Variants in ATP11B observed in about 807,000 individuals in gnomAD.
ATP11B encodes phospholipid-transporting ATPase IF.
Under a neutral mutation model 157.8 loss-of-function variants are expected in ATP11B, and 81 were observed. That is an observed-to-expected ratio of 0.51 (90% confidence interval 0.43 to 0.62). ATP11B has a LOEUF of 0.62. ATP11B is among the 20% of genes least tolerant of loss of function. The pLI is 0.00. For synonymous variants in ATP11B, 451 were observed against 469.4 expected (o/e 0.96, Z 0.51); for missense variants, 1,165 against 1,402.2 (o/e 0.83, Z 2.70).
intron 28 of ATP11B, among the ~76,000 whole-genome samples, chr3:182,909,175 A>C (rs1724590502): frequency 6.6e-6 from 1 of 152,250 alleles, no homozygotes; most frequent in African/African-American, 2.4e-5. Flanking sequence ...AGCAATAAGA[A>C]ATGTCTTAGT....
chr3:182,858,144 G>C, intron 11 of ATP11B, 116 bp downstream of exon 11: 1 of 891,748 alleles, frequency 1.1e-6, no homozygotes, highest in Non-Finnish European at 1.7e-6. Flanking sequence ...TGTTGGTACT[G>C]AAGGGTGACA....
At position 182,798,789 on chromosome 3, in the gene ATP11B, T is replaced by C. The variant is rs994093075; in HGVS notation, c.27+5003T>C. 2.6e-5 allele frequency among the ~76,000 whole-genome samples: 4 copies of C among 152,354 alleles called. No individual in the cohort carries two copies. The East Asian group carries it at 7.7e-4, about 29-fold the overall frequency. ...GAAATATGCAGTGGATCTTGAAGAC[T>C]TAGTTTGGAAAAAGGATGTAAAATA... is the stretch of plus-strand genomic sequence containing the variant. On this transcript the variant is annotated intron_variant, in intron 1 of 29. Transcript: ENST00000323116.
chr3:182,883,653 T>A (rs981260665), intron 21 of ATP11B, among the ~76,000 whole-genome samples: 1 of 151,632 alleles, frequency 6.6e-6, no homozygotes, highest in African/African-American at 2.4e-5. Flanking sequence ...AGAAAGAAAA[T>A]TTCTAAAAGA....
intron 10 of ATP11B, among the ~76,000 whole-genome samples, chr3:182,854,877 C>T: frequency 6.6e-6 from 1 of 151,768 alleles, no homozygotes; most frequent in Admixed American, 6.6e-5. Context: ...CACCTTTTGT[C>T]ATCTTTTCAG....
At chr3:182,880,485 A>G (rs1000895774) in intron 20 of ATP11B, among the ~76,000 whole-genome samples, 2 of 152,148 alleles carry the variant, frequency 1.3e-5, no homozygotes, top group African/African-American at 4.8e-5. Context: ...TAAAGTCTTA[A>G]AATTTTACTA....
chr3:182,869,392 A>G, intron 17 of ATP11B, 61 bp downstream of exon 17: 2 of 1,124,986 alleles, frequency 1.8e-6, no homozygotes, highest in East Asian at 2.6e-5. Context: ...AATATTTTGG[A>G]CTTTATTTCT....
chr3:182,880,762 A>G (rs750593573), intron 20 of ATP11B, 117 bp from the exon 21 acceptor site: 64 of 505,220 alleles, frequency 1.3e-4, no homozygotes, highest in Non-Finnish European at 2.1e-4. Flanking sequence ...TTGTCTAATA[A>G]AAAATTAAAT....
intron 1 of ATP11B, among the ~76,000 whole-genome samples, chr3:182,810,422 C>A (rs1332403396): frequency 6.6e-6 from 1 of 152,062 alleles, no homozygotes; most frequent in Admixed American, 6.5e-5. Context: ...ATTTTCATAG[C>A]AATAGTTTAG....
intron 19 of ATP11B, among the ~76,000 whole-genome samples, chr3:182,877,458 A>G (rs1217021013): frequency 1.3e-5 from 2 of 152,236 alleles, no homozygotes; most frequent in Non-Finnish European, 2.9e-5. Context: ...CCTGGGCAAC[A>G]TAGTGAAACC....
chr3:182,879,720 C>G, intron 20 of ATP11B, 71 bp downstream of exon 20: 1 of 1,368,900 alleles, frequency 7.3e-7, no homozygotes, highest in Admixed American at 2.4e-5. Context: ...AAGTTAATGC[C>G]TTACATAGTT....
At chr3:182,859,467 A>T (rs1720668168) in intron 12 of ATP11B, 108 bp downstream of exon 12, 4 of 938,934 alleles carry the variant, frequency 4.3e-6, no homozygotes, top group Admixed American at 3.5e-5. Flanking sequence ...ACCAAAAACA[A>T]CCCCCCTTTG....
Position 182,889,474 on chromosome 3 carries a change from A to C in ATP11B, c.2908A>C (p.Ser970Arg). ...TFLYWTILGF[S>R]HAFIFFFGSY... ...TCTTTATTGGACCATCCTGGGCTTC[A>C]GTCATGCCTTTATTTTCTTTTTTGG... The change falls in exon 25 of 30, where the codon AGT (serine) becomes CGT (arginine). Residue 970 changes from serine (S) to arginine (R), a missense_variant. Ser to Arg is a moderately radical substitution (Grantham distance 110). This residue lies in a region of ATP11B where 303 missense variants were observed against 296.3 expected (regional missense o/e 1.02). Coordinates refer to ENST00000323116, the MANE Select transcript of ATP11B (RefSeq NM_014616.3). 1 of 1,577,358 alleles carries C rather than the reference A, an allele frequency of 6.3e-7. No homozygotes were observed. Among genetic ancestry groups the C allele is most frequent in the Non-Finnish European group, 8.6e-7 (1 of 1,167,980 alleles).
At chr3:182,882,505 T>G (rs1722495138) in intron 21 of ATP11B, among the ~76,000 whole-genome samples, 1 of 151,572 alleles carries the variant, frequency 6.6e-6, no homozygotes, top group Non-Finnish European at 1.5e-5. Context: ...GGTTAGTGAT[T>G]TGAAAAAAAA....
At chr3:182,826,443 C>G (rs1273390962) in intron 2 of ATP11B, among the ~76,000 whole-genome samples, 1 of 152,138 alleles carries the variant, frequency 6.6e-6, no homozygotes, top group Non-Finnish European at 1.5e-5. Flanking sequence ...AAGTATTATA[C>G]ATTTGGTGAC....
At chr3:182,860,801 A>T (rs984662755) in intron 12 of ATP11B, among the ~76,000 whole-genome samples, 2 of 151,938 alleles carry the variant, frequency 1.3e-5, no homozygotes, top group Non-Finnish European at 2.9e-5. Context: ...TATTCTCTGG[A>T]TAGTTTTTTA....
intron 19 of ATP11B, among the ~76,000 whole-genome samples, chr3:182,874,947 C>T (rs923190228): frequency 6.6e-6 from 1 of 151,898 alleles, no homozygotes. Flanking sequence ...ACTCTCTGGC[C>T]CGTAACAGAA....
In ATP11B at chr3:182,844,817, T is replaced by A. The variant is rs551586095; in HGVS notation, c.705-641T>A. The stretch of plus-strand genomic sequence containing the variant: ...AAAATTTCATCTTCTGCCACACATT[T>A]TTAAATCGCTGCTTACTCTTTGATT... On this transcript the variant is annotated intron_variant, in intron 8 of 29. Coordinates refer to ENST00000323116, the MANE Select transcript of ATP11B (RefSeq NM_014616.3). Among the ~76,000 whole-genome samples the A allele has an allele frequency of 3.3e-5, 5 of 152,228 alleles. No homozygotes were observed. In the East Asian group the frequency reaches 7.7e-4, roughly 24 times the overall value.
intron 25 of ATP11B, among the ~76,000 whole-genome samples, chr3:182,890,994 A>G (rs1456569714): frequency 6.6e-6 from 1 of 152,220 alleles, no homozygotes; most frequent in Non-Finnish European, 1.5e-5. Flanking sequence ...ATATGTAACA[A>G]ACCTGCACGT....
At chr3:182,862,575 C>T (rs1168450984) in intron 12 of ATP11B, among the ~76,000 whole-genome samples, 3 of 152,154 alleles carry the variant, frequency 2.0e-5, no homozygotes, top group Non-Finnish European at 4.4e-5. Flanking sequence ...AAAGAGATTT[C>T]AGAATTTAAA....
Sources: allele counts gnomAD v4.1 joint callset (sites outside exome capture counted in the v4.1 genomes callset), GRCh38; gene constraint gnomAD v4.1.1; regional missense constraint gnomAD v4.1.1; transcripts MANE v1.5; gene names NCBI Gene and HGNC (gene_info 2026-07-23, HGNC 2026-07-21).